ARID1A: variants seen among roughly 807,000 people sequenced by gnomAD.
ARID1A encodes the protein AT-rich interactive domain-containing protein 1A.
Under a neutral mutation model 212.6 loss-of-function variants are expected in ARID1A, and 20 were observed. The observed-to-expected ratio is 0.09, with a 90% CI of 0.07 to 0.14. ARID1A has a LOEUF of 0.14. ARID1A is among the 10% of genes least tolerant of loss of function. ARID1A has a pLI of 1.00. For missense variants in ARID1A, 2,587 were observed against 3,059.0 expected (o/e 0.85, Z 3.64); for synonymous variants, 1,376 against 1,222.1 (o/e 1.13, Z -2.63).
At chr1:26,719,711 C>T (rs561051524) in intron 1 of ARID1A, among the ~76,000 whole-genome samples, 3 of 151,138 alleles carry the variant, frequency 2.0e-5, no homozygotes, top group Admixed American at 6.6e-5. Flanking sequence ...GAGGCTGAGG[C>T]GGGCAGATCA....
At chr1:26,751,856 T>C (rs924021001) in intron 4 of ARID1A, among the ~76,000 whole-genome samples, 3 of 152,140 alleles carry the variant, frequency 2.0e-5, no homozygotes, top group African/African-American at 7.2e-5. Flanking sequence ...TCTTAACCCT[T>C]CTCTCCTGTG....
intron 11 of ARID1A, chr1:26,769,174 A>G (rs943963355): frequency 6.6e-6 from 1 of 152,178 alleles, no homozygotes; most frequent in Non-Finnish European, 1.5e-5. Context: ...TTCCCTGTCT[A>G]TAGGGAAAGG....
chr1:26,721,225 G>A (rs1255113828), intron 1 of ARID1A, among the ~76,000 whole-genome samples: 1 of 151,986 alleles, frequency 6.6e-6, no homozygotes, highest in African/African-American at 2.4e-5. Flanking sequence ...TTTTGTTTTT[G>A]TTTTGAGACC....
intron 11 of ARID1A, among the ~76,000 whole-genome samples, chr1:26,768,289 A>G (rs568937420): frequency 1.3e-5 from 2 of 152,324 alleles, no homozygotes; most frequent in South Asian, 2.1e-4. Flanking sequence ...CATGGGAGGC[A>G]ATTTGGCATA....
chr1:26,715,188 ATTTG>A (rs575027998), intron 1 of ARID1A, among the ~76,000 whole-genome samples: 56 of 152,246 alleles, frequency 3.7e-4, no homozygotes, highest in South Asian at 1.5e-3. Flanking sequence ...TACTTTGTTT[ATTTG>A]TTTGTTTGTT....
At chr1:26,720,780 C>T (rs2080556430) in intron 1 of ARID1A, among the ~76,000 whole-genome samples, 1 of 151,810 alleles carries the variant, frequency 6.6e-6, no homozygotes. Flanking sequence ...GGGAGGATCA[C>T]CTGAGCCCAG....
At position 26,697,118 on chromosome 1, in the gene ARID1A, C is replaced by G; in HGVS notation, c.715C>G (p.Pro239Ala). 2.1e-6 allele frequency: 3 copies of G among 1,444,594 alleles called. No individual in the cohort carries two copies. Among genetic ancestry groups the G allele is most frequent in the Non-Finnish European group, 2.7e-6 (3 of 1,103,544 alleles). 89.5% of individuals were successfully genotyped at this position (1,444,594 alleles called of 1,614,324 possible). The change falls in exon 1 of 20, where the codon CCG becomes GCG. Residue 239 changes from proline (P) to alanine (A), a missense_variant. By Grantham distance (27) the Pro-to-Ala change is conservative. Transcript: ENST00000324856. ...GCTGAGCTCCCCGAGAGGTGGCACT[C>G]CGGGCTCCGGCGCGGCGGCGGCTGC... is the stretch of plus-strand genomic sequence containing the variant. The part of the protein sequence containing the change: ...YALSSPRGGT[P>A]GSGAAAAAGS...
intron 12 of ARID1A, 179 bp from the exon 13 acceptor site, chr1:26,772,321 A>C (rs2081089484): frequency 1.2e-6 from 1 of 844,806 alleles, no homozygotes; most frequent in Non-Finnish European, 1.8e-6. Flanking sequence ...GAGCTACAAA[A>C]CCCTCAGATT....
chr1:26,760,944 A>T lies in ARID1A; in HGVS notation c.2009A>T (p.Gln670Leu), dbSNP rs2124054960. The T allele has an allele frequency of 6.2e-7, 1 of 1,614,118 alleles. No individual in the cohort carries two copies. Among genetic ancestry groups the T allele is most frequent in the Non-Finnish European group, 8.5e-7 (1 of 1,180,024 alleles). Residue 670 changes from glutamine to leucine, a missense_variant, in exon 5 of 20, where the codon CAA becomes CTA. Transcript: ENST00000324856. Reference protein sequence around the residue: ...GVSTSGISSSQGEQSNPAQSP... With the variant: ...GVSTSGISSSLGEQSNPAQSP... ...AGCACATCAGGGATTTCCAGCAGCC[A>T]AGGAGAGCAGAGTAATCCAGCTCAG...
chr1:26,749,444 G>A (rs560768387), intron 4 of ARID1A, among the ~76,000 whole-genome samples: 34 of 152,222 alleles, frequency 2.2e-4, no homozygotes, highest in Non-Finnish European at 3.8e-4. Flanking sequence ...TTAAACCTCC[G>A]GCTGAGCAGA....
rs551439315 is a variant in ARID1A, at chr1:26,772,295, G to A, written c.3407-205G>A. 8.5e-4 allele frequency: 592 copies of A among 696,696 alleles called. 1 individual carries two copies. The highest frequency in any genetic ancestry group is 1.2e-3 in the Admixed American group (42 of 33,738). 43.2% of individuals were successfully genotyped at this position (696,696 alleles called of 1,614,324 possible). A position where few individuals can be genotyped will look rare whatever the true frequency, so the allele number is the denominator to read the frequency against. ...GCCACATCACTCCTCTTTTCTACAC[G>A]TAAAACAAAAACAAAGAGCTACAAA... On this transcript the variant is annotated intron_variant, in intron 12 of 19. Coordinates refer to ENST00000324856, the MANE Select transcript of ARID1A (RefSeq NM_006015.6).
Position 26,696,258 on chromosome 1 carries a change from GAGCGC to G in ARID1A, c.-137_-133del, listed in dbSNP as rs1248245065. Reference sequence around the variant, plus strand: ...CCGGCGGGGCGGGGGGGAGAGGAGCGAGCGCAGCGCAGCAGCGGAGCCCCGCGAGG... The same window carrying G: ...CCGGCGGGGCGGGGGGGAGAGGAGCGAGCGCAGCAGCGGAGCCCCGCGAGG... On this transcript the variant is annotated 5_prime_UTR_variant, in exon 1 of 20. Coordinates refer to ENST00000324856, the MANE Select transcript of ARID1A (RefSeq NM_006015.6). 2 of 1,015,224 alleles carry G rather than the reference GAGCGC, an allele frequency of 2.0e-6. No individual in the cohort carries two copies. The highest frequency in any genetic ancestry group is 2.5e-6 in the Non-Finnish European group (2 of 807,194). The allele number at this position is 1,015,224 out of a possible 1,614,324, so 62.9% of individuals were successfully genotyped here. A position where few individuals can be genotyped will look rare whatever the true frequency, so the allele number is the denominator to read the frequency against.
intron 1 of ARID1A, among the ~76,000 whole-genome samples, chr1:26,701,068 A>G (rs909521143): frequency 1.1e-4 from 17 of 152,206 alleles, no homozygotes; most frequent in Non-Finnish European, 2.4e-4. Context: ...TGCATTAAAC[A>G]TTAATATGTT....
At chr1:26,707,122 C>T (rs984041478) in intron 1 of ARID1A, among the ~76,000 whole-genome samples, 1 of 151,592 alleles carries the variant, frequency 6.6e-6, no homozygotes, top group Non-Finnish European at 1.5e-5. Flanking sequence ...CAGTCTCCGC[C>T]TCCTGGGTTC....
At position 26,771,067 on chromosome 1, in the gene ARID1A, C is replaced by A. The variant is rs2124096311; in HGVS notation, c.3199-52C>A. On this transcript the variant is annotated intron_variant, in intron 11 of 19. Coordinates refer to ENST00000324856, the MANE Select transcript of ARID1A (RefSeq NM_006015.6). The surrounding 1 kb of genome is among the most constrained non-coding windows in gnomAD (Gnocchi z 5.4). ...CCTGATGGGGCTTGGGGCTTATGGG[C>A]AGGAAAACCAGGCGGGAGATATACC... 6.4e-7 allele frequency: 1 copy of A among 1,557,520 alleles called. No individual in the cohort carries two copies. The highest frequency in any genetic ancestry group is 8.9e-7 in the Non-Finnish European group (1 of 1,129,496).
intron 1 of ARID1A, among the ~76,000 whole-genome samples, chr1:26,715,372 G>GCATT (rs931284024): frequency 2.6e-5 from 4 of 152,172 alleles, no homozygotes; most frequent in Admixed American, 2.6e-4. Context: ...ATCACTTAAT[G>GCATT]GTAGGTAATG....
At chr1:26,775,541 G>T (rs2124125862) in intron 18 of ARID1A, 36 bp from the exon 19 acceptor site, 1 of 1,612,312 alleles carries the variant, frequency 6.2e-7, no homozygotes, top group South Asian at 1.1e-5. Context: ...AGCCAACCTG[G>T]GCTTGGTGGA....
chr1:26,757,326 C>T (rs1208968666), intron 4 of ARID1A, among the ~76,000 whole-genome samples: 3 of 142,946 alleles, frequency 2.1e-5, no homozygotes, highest in African/African-American at 2.6e-5. Context: ...AAAAATTAGC[C>T]GGGCATGGTG....
rs200729005 is a variant in ARID1A at position 26,744,943 on chromosome 1, TC to T, written c.1920+12157del. ...ACAAATGTATTTAAAGGCCTAAGGCTCCCCCCTCTTGCCCATTTCCTACAAA... is the reference window on the plus strand; with the variant it reads ...ACAAATGTATTTAAAGGCCTAAGGCTCCCCCTCTTGCCCATTTCCTACAAA... On this transcript the variant is annotated intron_variant, in intron 4 of 19. Coordinates refer to ENST00000324856, the MANE Select transcript of ARID1A (RefSeq NM_006015.6). Among the ~76,000 whole-genome samples, 1,450 of 151,602 alleles carry T rather than the reference TC, an allele frequency of 9.6e-3. 21 individuals are homozygous for T. The highest frequency in any genetic ancestry group is 0.033 in the African/African-American group (1,381 of 41,312).
Sources: gnomAD v4.1 joint callset for allele counts (sites outside exome capture counted in the v4.1 genomes callset) on GRCh38, gnomAD v4.1.1 for gene constraint, Gnocchi (gnomAD v3.1) non-coding constraint, MANE v1.5 for transcripts, NCBI Gene and HGNC (gene_info 2026-07-23, HGNC 2026-07-21) for gene names.